Variants in FMC1 observed in about 807,000 individuals in gnomAD.
The protein encoded by FMC1 is protein FMC1 homolog.
In FMC1, 6 loss-of-function variants were observed where a neutral mutation model predicts 10.5. The observed-to-expected ratio is 0.57, with a 90% CI of 0.31 to 1.12. The LOEUF is 1.12. FMC1 is among the 50% of genes most tolerant of loss of function. The pLI is 0.05. For missense variants in FMC1, 146 were observed against 151.7 expected (o/e 0.96, Z 0.20); for synonymous variants, 59 against 62.1 (o/e 0.95, Z 0.24).
At chr7:139,341,912 C>T (rs1275466576) in intron 1 of FMC1, among the ~76,000 whole-genome samples, 1 of 152,198 alleles carries the variant, frequency 6.6e-6, no homozygotes, top group Admixed American at 6.5e-5. Context: ...AAAGCCACAG[C>T]ATCTGGCCAA....
upstream of FMC1, chr7:139,341,319 G>C: frequency 6.4e-7 from 1 of 1,553,156 alleles, no homozygotes; most frequent in Non-Finnish European, 8.7e-7. Flanking sequence ...AGGCGCCTGG[G>C]CCGGAGGAGG....
At chr7:139,345,396 C>A in intron 1 of FMC1, 105 bp from the exon 2 acceptor site, 1 of 1,487,640 alleles carries the variant, frequency 6.7e-7, no homozygotes, top group Non-Finnish European at 9.0e-7. Flanking sequence ...TGTATTTCCT[C>A]TGTGCAATTT....
At chr7:139,341,298 A>G (rs6960314), upstream of FMC1, 3 of 1,526,062 alleles carry the variant, frequency 2.0e-6, no homozygotes, top group Non-Finnish European at 2.6e-6. Context: ...AGTCTGTCCG[A>G]CCGTACCATT....
At chr7:139,343,572 C>T (rs1286671505) in intron 1 of FMC1, among the ~76,000 whole-genome samples, 2 of 152,002 alleles carry the variant, frequency 1.3e-5, no homozygotes, top group Non-Finnish European at 2.9e-5. Context: ...GGAGCGAGAC[C>T]CTGTCTCAAA....
chr7:139,342,319 G>A (rs764126731), intron 1 of FMC1, among the ~76,000 whole-genome samples: 1 of 152,110 alleles, frequency 6.6e-6, no homozygotes, highest in Non-Finnish European at 1.5e-5. Flanking sequence ...GTTTTCCGGA[G>A]GAAATTAATC....
chr7:139,344,641 T>G (rs926459476), intron 1 of FMC1, among the ~76,000 whole-genome samples: 2 of 152,056 alleles, frequency 1.3e-5, no homozygotes, highest in Admixed American at 1.3e-4. Context: ...CCTTCATTTG[T>G]TACTATTTAG....
At chr7:139,340,507 C>T (rs565810660), upstream of FMC1, 3 of 398,560 alleles carry the variant, frequency 7.5e-6, no homozygotes, top group African/African-American at 4.1e-5. Context: ...AGCATCGGTG[C>T]AGTTTCGAGG....
rs781571120 is a variant in FMC1, at chr7:139,341,361, C to T, written c.-24C>T. ...CAGGGTCGTAGGACGCCGTTGGGCA[C>T]CACGCTCGGAGAAGGACAGGACAAT... On this transcript the variant is annotated 5_prime_UTR_variant, in exon 1 of 2. Transcript: ENST00000297534. 11 of 1,595,640 alleles carry T rather than the reference C, an allele frequency of 6.9e-6. No individual in the cohort carries two copies. The highest frequency in any genetic ancestry group is 1.7e-4 in the Middle Eastern group (1 of 5,904).
Position 139,345,634 on chromosome 7 carries a change from T to C in FMC1, c.272T>C (p.Val91Ala). 1 of 1,614,086 alleles carries C rather than the reference T, an allele frequency of 6.2e-7. No homozygotes were observed. The highest frequency in any genetic ancestry group is 8.5e-7 in the Non-Finnish European group (1 of 1,180,022). The change falls in exon 2 of 2, where the codon GTG becomes GCG. Residue 91 changes from valine to alanine, a missense_variant. Transcript: ENST00000297534. Reference protein sequence around the residue: ...QEFHGKGERSVEESAGLVGLK... With the variant: ...QEFHGKGERSAEESAGLVGLK... The stretch of plus-strand genomic sequence containing the variant: ...TTTCATGGCAAGGGTGAGCGCTCGG[T>C]GGAGGAGTCTGCTGGCTTGGTGGGT...
In FMC1 at chr7:139,341,431, G is replaced by C. The variant is rs201970386; in HGVS notation, c.47G>C (p.Arg16Pro). 246 of 1,613,440 alleles carry C rather than the reference G, an allele frequency of 1.5e-4. No individual in the cohort carries two copies. Among genetic ancestry groups the C allele is most frequent in the Middle Eastern group, 1.5e-3 (9 of 6,084 alleles). ...SPSHTFRGLL[R>P]ELRYLSAATG... ...TCGCACACTTTTCGAGGACTTCTGC[G>C]GGAGTTGCGCTACCTGAGCGCGGCC... The change falls in exon 1 of 2, where the codon CGG becomes CCG. Residue 16 changes from arginine to proline, a missense_variant. Coordinates refer to ENST00000297534, the MANE Select transcript of FMC1 (RefSeq NM_197964.5).
At position 139,345,925 on chromosome 7, in the gene FMC1, T is replaced by A. The variant is rs997378807; in HGVS notation, c.*221T>A. ...GTTTTTCTACTTAAAAAAATTTTTT[T>A]ATATTTTATTTTAAAAGTAGTACAA... On this transcript the variant is annotated 3_prime_UTR_variant, in exon 2 of 2. Transcript: ENST00000297534. 9.4e-6 allele frequency: 4 copies of A among 424,982 alleles called. No individual in the cohort carries two copies. Among genetic ancestry groups the A allele is most frequent in the African/African-American group, 4.2e-5 (2 of 47,618 alleles). 26.3% of individuals were successfully genotyped at this position (424,982 alleles called of 1,614,324 possible).
upstream of FMC1, chr7:139,341,158 C>A: frequency 1.6e-6 from 1 of 631,512 alleles, no homozygotes; most frequent in East Asian, 3.3e-5. Context: ...GTTAGAGGTC[C>A]TGGTACCTTC....
rs765410748 is a variant in FMC1 at position 139,341,791 on chromosome 7, T to C, written c.138+269T>C. On this transcript the variant is annotated intron_variant, in intron 1 of 1. Transcript: ENST00000297534. The stretch of plus-strand genomic sequence containing the variant: ...GGCGGACCCGTCCCGAAGGATTTCA[T>C]TGGCTGGTCTGTTGCCTCTGCGGAG... Among the ~76,000 whole-genome samples the C allele has an allele frequency of 5.5e-4, 83 of 152,148 alleles. No homozygotes were observed. In the Middle Eastern group the frequency reaches 0.01, roughly 19 times the overall value.
upstream of FMC1, chr7:139,340,531 C>T (rs1798882566): frequency 5.0e-6 from 2 of 398,366 alleles, no homozygotes; most frequent in Admixed American, 4.4e-5. Flanking sequence ...AAGCCTTTGG[C>T]GCGGTGATGT....
upstream of FMC1, among the ~76,000 whole-genome samples, chr7:139,340,953 G>A (rs536900500): frequency 5.9e-5 from 9 of 152,230 alleles, no homozygotes; most frequent in African/African-American, 2.2e-4. Flanking sequence ...GATTTGGGGA[G>A]ACGTCAATAC....
chr7:139,345,376 C>G, intron 1 of FMC1, 125 bp from the exon 2 acceptor site: 1 of 1,307,074 alleles, frequency 7.7e-7, no homozygotes, highest in Admixed American at 2.3e-5. Context: ...CATGTATATA[C>G]ATACATGTCT....
upstream of FMC1, chr7:139,341,049 C>G: frequency 4.2e-6 from 1 of 235,696 alleles, no homozygotes; most frequent in Non-Finnish European, 8.2e-6. Context: ...CACCCCCCGC[C>G]GGGCCCGCTT....
intron 1 of FMC1, among the ~76,000 whole-genome samples, chr7:139,344,626 T>G (rs771473832): frequency 3.9e-5 from 6 of 151,966 alleles, no homozygotes; most frequent in Non-Finnish European, 7.4e-5. Context: ...GTTTTATACA[T>G]GAAACCTTCA....
chr7:139,345,248 G>A (rs187375343), intron 1 of FMC1, among the ~76,000 whole-genome samples: 1 of 152,204 alleles, frequency 6.6e-6, no homozygotes, highest in African/African-American at 2.4e-5. Context: ...GAAACTAGAT[G>A]ACTTCTTGCA....
Sources: allele counts gnomAD v4.1 joint callset (sites outside exome capture counted in the v4.1 genomes callset), GRCh38; gene constraint gnomAD v4.1.1; transcripts MANE v1.5; gene names NCBI Gene and HGNC (gene_info 2026-07-23, HGNC 2026-07-21).